The following UBN2 variants were observed in gnomAD, a reference collection of about 807,000 sequenced individuals.
The protein encoded by UBN2 is ubinuclein 2.
In UBN2, 35 loss-of-function variants were observed where a neutral mutation model predicts 120.2. The ratio of observed to expected loss-of-function variants is 0.29; its 90% CI spans 0.22 to 0.39. The LOEUF (loss-of-function observed/expected upper bound fraction) is 0.39, where lower values mean the gene tolerates loss of function less well. Among genes scored for constraint, UBN2 ranks in the 10% least tolerant of loss-of-function variants. The pLI is 1.00. For synonymous variants in UBN2, 661 were observed against 648.7 expected, an observed-to-expected ratio of 1.02 and a Z score of -0.29; for missense variants, 1,693 against 1,663.2, an observed-to-expected ratio of 1.02 and a Z score of -0.31.
intron 2 of UBN2, among the ~76,000 whole-genome samples, chr7:139,241,753 T>G (rs1365484961): frequency 1.3e-5 from 2 of 152,156 alleles, no homozygotes; most frequent in African/African-American, 4.8e-5. Context: ...TCCCAGCACT[T>G]TGGGAGGCTG....
intron 2 of UBN2, among the ~76,000 whole-genome samples, chr7:139,240,747 G>A (rs1428011919): frequency 6.6e-6 from 1 of 152,036 alleles, no homozygotes; most frequent in African/African-American, 2.4e-5. Flanking sequence ...GCCATGTTCT[G>A]TTTCCTGTTA....
At chr7:139,244,872 A>G (rs1796422698) in intron 2 of UBN2, among the ~76,000 whole-genome samples, 1 of 152,084 alleles carries the variant, frequency 6.6e-6, no homozygotes, top group African/African-American at 2.4e-5. Context: ...AGCTGTACAT[A>G]ACATTTAGGA....
Position 139,282,155 on chromosome 7 carries a change from AT to A in UBN2, c.2118+101del, listed in dbSNP as rs1393980154. 6 of 958,942 alleles carry A rather than the reference AT, an allele frequency of 6.3e-6. No homozygotes were observed. In the African/African-American group the frequency reaches 9.7e-5, roughly 16 times the overall value. The allele number at this position is 958,942 out of a possible 1,614,324, so 59.4% of individuals were successfully genotyped here. On this transcript the variant is annotated intron_variant, in intron 14 of 17. Coordinates refer to ENST00000473989, the MANE Select transcript of UBN2 (RefSeq NM_173569.4). ...TTGAAGAGACTTTGATACGACTTTT[AT>A]GTAATAGGCTTTTGCTTCTCAGTCT...
chr7:139,271,571 G>A (rs1226912630), intron 8 of UBN2, among the ~76,000 whole-genome samples: 4 of 149,082 alleles, frequency 2.7e-5, no homozygotes, highest in African/African-American at 9.9e-5. Context: ...GTGTGACAGC[G>A]AGACTCTGTC....
At chr7:139,296,332 A>C (rs1444496195) in intron 17 of UBN2, among the ~76,000 whole-genome samples, 18 of 152,246 alleles carry the variant, frequency 1.2e-4, no homozygotes, top group Non-Finnish European at 4.4e-5. Flanking sequence ...GTATTTAAAC[A>C]CATGAGTATG....
rs1798317415 is a variant in UBN2 at position 139,304,134 on chromosome 7, A to G, written c.*6298A>G. ...TCAGAGATTGTGTACTAATTCCATT[A>G]ACTGTAGGTGTATCCAGCTCTGCAC... is the stretch of plus-strand genomic sequence containing the variant. On this transcript the variant is annotated 3_prime_UTR_variant, in exon 18 of 18. Coordinates refer to ENST00000473989, the MANE Select transcript of UBN2 (RefSeq NM_173569.4). 6.6e-6 allele frequency: 1 copy of G among 152,210 alleles called. No individual in the cohort carries two copies. Among genetic ancestry groups the G allele is most frequent in the African/African-American group, 2.4e-5 (1 of 41,446 alleles). 9.4% of individuals were successfully genotyped at this position (152,210 alleles called of 1,614,324 possible).
intron 14 of UBN2, 63 bp downstream of exon 14, chr7:139,282,118 T>G: frequency 6.7e-7 from 1 of 1,486,452 alleles, no homozygotes; most frequent in Non-Finnish European, 9.3e-7. Flanking sequence ...TTGGGTTTGT[T>G]TAAGAAACTA....
In UBN2 at chr7:139,306,776, A is replaced by G. The variant is rs1260851672; in HGVS notation, c.*8940A>G. The G allele has an allele frequency of 2.6e-5, 4 of 152,218 alleles. No homozygotes were observed. Among genetic ancestry groups the G allele is most frequent in the African/African-American group, 9.6e-5 (4 of 41,458 alleles). The allele number at this position is 152,218 out of a possible 1,614,324, so 9.4% of individuals were successfully genotyped here. A position where few individuals can be genotyped will look rare whatever the true frequency, so the allele number is the denominator to read the frequency against. The stretch of plus-strand genomic sequence containing the variant: ...GGATTTCACTTGTTAAACACCCTCA[A>G]ACTTAAAAGAAGAAAATAGATCTCC... On this transcript the variant is annotated 3_prime_UTR_variant, in exon 18 of 18. Coordinates refer to ENST00000473989, the MANE Select transcript of UBN2 (RefSeq NM_173569.4).
chr7:139,327,124 C>T, the UBN2 span, among the ~76,000 whole-genome samples: 2 of 152,206 alleles, frequency 1.3e-5, no homozygotes, highest in Non-Finnish European at 2.9e-5. Context: ...ACCTCCGCCT[C>T]CCGGGTTCAA....
At chr7:139,262,846 T>A (rs1796981167) in intron 6 of UBN2, among the ~76,000 whole-genome samples, 1 of 152,180 alleles carries the variant, frequency 6.6e-6, no homozygotes, top group East Asian at 1.9e-4. Context: ...TTTTTGTTAT[T>A]CCATGTGGCC....
At chr7:139,328,345 C>T in the UBN2 span, among the ~76,000 whole-genome samples, 4 of 152,150 alleles carry the variant, frequency 2.6e-5, no homozygotes, top group African/African-American at 9.7e-5. Context: ...CACTCACTGT[C>T]GTGCGAATAG....
At chr7:139,260,401 A>G (rs544853043) in intron 5 of UBN2, among the ~76,000 whole-genome samples, 2 of 152,308 alleles carry the variant, frequency 1.3e-5, no homozygotes, top group South Asian at 2.1e-4. Context: ...CACAGCCAGT[A>G]TATAGCTATT....
rs182284839 is a variant in UBN2 at position 139,297,949 on chromosome 7, C to G, written c.*113C>G. The G allele has an allele frequency of 8.4e-7, 1 of 1,185,764 alleles. No individual in the cohort carries two copies. The highest frequency in any genetic ancestry group is 1.5e-5 in the African/African-American group (1 of 65,924). 73.5% of individuals were successfully genotyped at this position (1,185,764 alleles called of 1,614,324 possible). A position where few individuals can be genotyped will look rare whatever the true frequency, so the allele number is the denominator to read the frequency against. On this transcript the variant is annotated 3_prime_UTR_variant, in exon 18 of 18. Transcript: ENST00000473989. ...GTTTCTGTCGATGTTTACATTCTCT[C>G]GTCCCAAGCACTGTGGTGAGGAGGA...
chr7:139,312,232 G>A (rs929273129), downstream of UBN2, among the ~76,000 whole-genome samples: 4 of 152,014 alleles, frequency 2.6e-5, no homozygotes, highest in Admixed American at 6.6e-5. Context: ...CCCTTGTTTC[G>A]CAGGCATTCT....
chr7:139,249,753 T>C (rs1188073988), intron 2 of UBN2, among the ~76,000 whole-genome samples: 1 of 152,114 alleles, frequency 6.6e-6, no homozygotes, highest in Non-Finnish European at 1.5e-5. Context: ...TCACCCAGGT[T>C]GGAGTGCAGT....
chr7:139,238,603 T>C (rs539652200), intron 2 of UBN2, among the ~76,000 whole-genome samples: 3 of 152,212 alleles, frequency 2.0e-5, no homozygotes, highest in Non-Finnish European at 4.4e-5. Flanking sequence ...TTTGTATTTT[T>C]AGTAGAGATG....
rs187394451 is a variant in UBN2, at chr7:139,307,687, A to G, written c.*9851A>G. The G allele has an allele frequency of 6.6e-6, 1 of 152,212 alleles. No homozygotes were observed. The allele number at this position is 152,212 out of a possible 1,614,324, so 9.4% of individuals were successfully genotyped here. A position where few individuals can be genotyped will look rare whatever the true frequency, so the allele number is the denominator to read the frequency against. ...CCGAGGTATTTCCATTTGGTTAACT[A>G]AACGCTAGCTACCAGGAAATGACGC... On this transcript the variant is annotated 3_prime_UTR_variant, in exon 18 of 18. Coordinates refer to ENST00000473989, the MANE Select transcript of UBN2 (RefSeq NM_173569.4).
chr7:139,274,777 GAAAA>G (rs1464752908), intron 11 of UBN2, among the ~76,000 whole-genome samples: 2 of 147,102 alleles, frequency 1.4e-5, no homozygotes, highest in African/African-American at 2.5e-5. Flanking sequence ...AAAAAAAAAA[GAAAA>G]AGAAAAAAGA....
chr7:139,277,166 C>G (rs964204592), intron 12 of UBN2: 1 of 152,138 alleles, frequency 6.6e-6, no homozygotes, highest in Admixed American at 6.5e-5. Flanking sequence ...TGTTTAATAT[C>G]TTTTGGGCAA....
Sources: gnomAD v4.1 joint callset for allele counts (sites outside exome capture counted in the v4.1 genomes callset) on GRCh38, gnomAD v4.1.1 for gene constraint, MANE v1.5 for transcripts, NCBI Gene and HGNC (gene_info 2026-07-23, HGNC 2026-07-21) for gene names.